FOCAD: variants seen among roughly 807,000 people sequenced by gnomAD.
FOCAD encodes focadhesin.
In FOCAD, 198 loss-of-function variants were observed where a neutral mutation model predicts 225.6. The observed-to-expected ratio is 0.88, with a 90% confidence interval of 0.78 to 0.99. The LOEUF (loss-of-function observed/expected upper bound fraction) is 0.99, where lower values mean the gene tolerates loss of function less well. Among genes scored for constraint, FOCAD ranks in the 50% least tolerant of loss-of-function variants. The pLI is 0.00. For synonymous variants in FOCAD, 897 were observed against 755.0 expected (o/e 1.19, Z -3.08); for missense variants, 2,713 against 2,123.6 (o/e 1.28, Z -5.46).
Position 20,765,729 on chromosome 9 carries a change from G to A in FOCAD, c.699+656G>A, listed in dbSNP as rs1018881339. ...AATTTGAGTCATTGTCTCTATAACT[G>A]CATATGAAAAAAAATCCAGTTGCCC... On this transcript the variant is annotated intron_variant, in intron 7 of 43. Transcript: ENST00000338382. Among the ~76,000 whole-genome samples, 29 of 152,010 alleles carry A rather than the reference G, an allele frequency of 1.9e-4. 1 individual carries two copies. The highest frequency in any genetic ancestry group is 4.1e-4 in the Non-Finnish European group (28 of 68,038).
intron 35 of FOCAD, among the ~76,000 whole-genome samples, chr9:20,973,947 A>T (rs1209716758): frequency 1.1e-5 from 1 of 87,864 alleles, no homozygotes; most frequent in Non-Finnish European, 2.4e-5. Flanking sequence ...CCTTTTTCCT[A>T]TGTTTCTCCT....
At chr9:20,861,070 C>G (rs1478171307) in intron 15 of FOCAD, among the ~76,000 whole-genome samples, 1 of 152,094 alleles carries the variant, frequency 6.6e-6, no homozygotes, top group Non-Finnish European at 1.5e-5. Context: ...CTTCTCAGGT[C>G]TTATCATCTC....
chr9:20,893,498 G>C (rs1831808369), intron 21 of FOCAD, among the ~76,000 whole-genome samples: 2 of 151,982 alleles, frequency 1.3e-5, no homozygotes, highest in Admixed American at 6.6e-5. Flanking sequence ...GGATCTTACT[G>C]GCATGTGAAT....
chr9:20,837,257 T>A (rs533485717), intron 15 of FOCAD, among the ~76,000 whole-genome samples: 9 of 152,152 alleles, frequency 5.9e-5, no homozygotes, highest in Non-Finnish European at 8.8e-5. Context: ...ACATGAGTAG[T>A]CTGTGACCAA....
At chr9:20,975,363 A>G (rs566601238) in intron 35 of FOCAD, among the ~76,000 whole-genome samples, 2 of 152,332 alleles carry the variant, frequency 1.3e-5, no homozygotes, top group Non-Finnish European at 1.5e-5. Flanking sequence ...ACTATGTCAT[A>G]GGCAGCTGGT....
intron 1 of FOCAD, among the ~76,000 whole-genome samples, chr9:20,689,150 T>C (rs554730450): frequency 1.5e-4 from 23 of 152,090 alleles, no homozygotes; most frequent in Non-Finnish European, 3.1e-4. Context: ...AAAAGGGAGA[T>C]AATGAAAAGG....
At chr9:20,697,874 C>G (rs1823504279) in intron 1 of FOCAD, among the ~76,000 whole-genome samples, 1 of 152,208 alleles carries the variant, frequency 6.6e-6, no homozygotes, top group Admixed American at 6.5e-5. Context: ...ATGGATTAAT[C>G]TCCTGGCAAA....
intron 15 of FOCAD, among the ~76,000 whole-genome samples, chr9:20,851,186 A>G (rs1336140691): frequency 6.6e-6 from 1 of 150,914 alleles, no homozygotes; most frequent in Non-Finnish European, 1.5e-5. Flanking sequence ...CTTCAAATAA[A>G]GTTGAAAACC....
intron 42 of FOCAD, among the ~76,000 whole-genome samples, chr9:20,992,566 G>C (rs1841762505): frequency 6.6e-6 from 1 of 152,096 alleles, no homozygotes; most frequent in South Asian, 2.1e-4. Flanking sequence ...GGGTGGACTT[G>C]GGCAAGGTTT....
chr9:20,924,247 G>A (rs750655814), intron 25 of FOCAD, among the ~76,000 whole-genome samples: 9 of 151,988 alleles, frequency 5.9e-5, no homozygotes, highest in Non-Finnish European at 1.3e-4. Context: ...GTACTTTCTT[G>A]GATAATTCAT....
intron 35 of FOCAD, among the ~76,000 whole-genome samples, chr9:20,971,644 C>T (rs1467578787): frequency 6.6e-6 from 1 of 151,972 alleles, no homozygotes; most frequent in African/African-American, 2.4e-5. Flanking sequence ...TGGAATTTCT[C>T]CATTCAATAG....
chr9:20,969,319 A>G lies in FOCAD; in HGVS notation c.4133-7101A>G, dbSNP rs553758187. On this transcript the variant is annotated intron_variant, in intron 35 of 43. Coordinates refer to ENST00000338382, the MANE Select transcript of FOCAD (RefSeq NM_001375567.1). ...CACTGTTGATTAATAAGGATCCTTT[A>G]TATCCTCATTAATCATACGTCTAGA... 3.1e-3 allele frequency among the ~76,000 whole-genome samples: 471 copies of G among 152,000 alleles called. 5 individuals carry two copies. Among genetic ancestry groups the G allele is most frequent in the African/African-American group, 0.011 (454 of 41,440 alleles).
At chr9:20,827,930 T>C (rs1394768200) in intron 15 of FOCAD, among the ~76,000 whole-genome samples, 1 of 152,074 alleles carries the variant, frequency 6.6e-6, no homozygotes, top group Non-Finnish European at 1.5e-5. Context: ...CCCAGCACTT[T>C]GGGAGGCCAA....
chr9:20,898,595 T>G (rs959687828), intron 21 of FOCAD, among the ~76,000 whole-genome samples: 25 of 152,052 alleles, frequency 1.6e-4, no homozygotes, highest in Middle Eastern at 3.4e-3. Context: ...TTTATATCTC[T>G]CTGCTTACAT....
intron 38 of FOCAD, 102 bp downstream of exon 38, chr9:20,981,788 G>A (rs1462106095): frequency 1.6e-6 from 2 of 1,289,424 alleles, no homozygotes; most frequent in Non-Finnish European, 2.1e-6. Flanking sequence ...ATGTGGGTGG[G>A]AAGGCTAGCA....
At chr9:20,799,306 A>G (rs1821510777) in intron 11 of FOCAD, among the ~76,000 whole-genome samples, 1 of 152,212 alleles carries the variant, frequency 6.6e-6, no homozygotes, top group South Asian at 2.1e-4. Context: ...TGTGGTGCTG[A>G]AAAGAATGTA....
chr9:20,889,939 G>A (rs999601192), intron 21 of FOCAD, among the ~76,000 whole-genome samples: 7 of 152,022 alleles, frequency 4.6e-5, no homozygotes, highest in Admixed American at 3.9e-4. Flanking sequence ...AAGTTCGTAA[G>A]TATTACATAT....
At chr9:20,735,198 T>A (rs1827046676) in intron 4 of FOCAD, among the ~76,000 whole-genome samples, 1 of 152,212 alleles carries the variant, frequency 6.6e-6, no homozygotes, top group Non-Finnish European at 1.5e-5. Context: ...TTTGTGGGCA[T>A]GTATGCTGTA....
At chr9:20,853,718 A>G (rs1827894649) in intron 15 of FOCAD, among the ~76,000 whole-genome samples, 1 of 151,760 alleles carries the variant, frequency 6.6e-6, no homozygotes, top group East Asian at 1.9e-4. Flanking sequence ...AGGTACCTCA[A>G]TATCTATATC....
Sources: gnomAD v4.1 joint callset for allele counts (sites outside exome capture counted in the v4.1 genomes callset) on GRCh38, gnomAD v4.1.1 for gene constraint, MANE v1.5 for transcripts, NCBI Gene and HGNC (gene_info 2026-07-23, HGNC 2026-07-21) for gene names.